PRKAR2A: variants seen among roughly 807,000 people sequenced by gnomAD.
The protein encoded by PRKAR2A is protein kinase cAMP-dependent type II regulatory subunit alpha, also known as cAMP-dependent protein kinase type II-alpha regulatory subunit.
A neutral mutation model predicts 51.9 loss-of-function variants in PRKAR2A; 29 were observed. That is an observed-to-expected ratio of 0.56 (90% CI 0.42 to 0.76). The LOEUF (loss-of-function observed/expected upper bound fraction) is 0.76. Ranked by LOEUF, PRKAR2A falls within the 30% of genes least tolerant of loss-of-function variation. PRKAR2A has a pLI of 0.00. For synonymous variants in PRKAR2A, 178 were observed against 186.2 expected, an observed-to-expected ratio of 0.96 and a Z score of 0.36; for missense variants, 445 against 512.1, an observed-to-expected ratio of 0.87 and a Z score of 1.26.
At chr3:48,781,688 T>C (rs2082199256) in intron 5 of PRKAR2A, among the ~76,000 whole-genome samples, 1 of 152,046 alleles carries the variant, frequency 6.6e-6, no homozygotes, top group Non-Finnish European at 1.5e-5. Context: ...AATTTTTGTA[T>C]TTTTAGTAGA....
In PRKAR2A at chr3:48,817,505, T is replaced by G. The variant is rs1042726993; in HGVS notation, c.263-9821A>C. Among the ~76,000 whole-genome samples the G allele has an allele frequency of 4.3e-4, 65 of 149,902 alleles. 1 individual carries two copies. Among genetic ancestry groups the G allele is most frequent in the Middle Eastern group, 7.1e-3 (2 of 280 alleles). On this transcript the variant is annotated intron_variant, in intron 1 of 10. Coordinates refer to ENST00000265563, the MANE Select transcript of PRKAR2A (RefSeq NM_004157.4). ...CATTTCTACTAAAAATACAAAAAAT[T>G]AGCCAGGCATTTTGGCGGGCGCCTG...
chr3:48,824,581 G>C (rs2083027984), intron 1 of PRKAR2A, among the ~76,000 whole-genome samples: 1 of 146,116 alleles, frequency 6.8e-6, no homozygotes, highest in Non-Finnish European at 1.5e-5. Flanking sequence ...AAGAAAGAAA[G>C]AAAGAAAGAA....
chr3:48,846,881 T>C (rs899347393), intron 1 of PRKAR2A, among the ~76,000 whole-genome samples: 5 of 152,206 alleles, frequency 3.3e-5, no homozygotes, highest in Admixed American at 3.3e-4. Flanking sequence ...CATATAGGGA[T>C]TCATCTCACC....
chr3:48,812,873 T>C (rs2082799306), intron 1 of PRKAR2A, among the ~76,000 whole-genome samples: 1 of 152,222 alleles, frequency 6.6e-6, no homozygotes, highest in South Asian at 2.1e-4. Flanking sequence ...TTTTTTAAAC[T>C]CTGAGAACTT....
intron 1 of PRKAR2A, among the ~76,000 whole-genome samples, chr3:48,816,897 G>A (rs933235853): frequency 6.6e-6 from 1 of 152,036 alleles, no homozygotes; most frequent in Non-Finnish European, 1.5e-5. Context: ...AACCAATTAA[G>A]GAGACTGGGT....
In PRKAR2A at chr3:48,847,229, C is replaced by G; in HGVS notation, c.262+106G>C. ...AACGCGGCTACAGAGCTCCCAATCC[C>G]AGCCTGCGGTCGGCTTGGCTGCGGC... On this transcript the variant is annotated intron_variant, in intron 1 of 10. Coordinates refer to ENST00000265563, the MANE Select transcript of PRKAR2A (RefSeq NM_004157.4). The surrounding 1 kb of genome is among the most constrained non-coding windows in gnomAD (Gnocchi z 4.4). 1 of 1,401,292 alleles carries G rather than the reference C, an allele frequency of 7.1e-7. No homozygotes were observed. The highest frequency in any genetic ancestry group is 9.6e-7 in the Non-Finnish European group (1 of 1,039,144). 86.8% of individuals were successfully genotyped at this position (1,401,292 alleles called of 1,614,324 possible).
chr3:48,751,331 TA>T lies in PRKAR2A; in HGVS notation c.*253del. On this transcript the variant is annotated 3_prime_UTR_variant, in exon 11 of 11. Coordinates refer to ENST00000265563, the MANE Select transcript of PRKAR2A (RefSeq NM_004157.4). ...GACATGCCGTTTTGAACCAAAGATA[TA>T]AAAACTGGGTTGGAGTAATCTTTAC... 1 of 635,012 alleles carries T rather than the reference TA, an allele frequency of 1.6e-6. No homozygotes were observed. 39.3% of individuals were successfully genotyped at this position (635,012 alleles called of 1,614,324 possible). A position where few individuals can be genotyped will look rare whatever the true frequency, so the allele number is the denominator to read the frequency against.
chr3:48,793,218 G>A lies in PRKAR2A; in HGVS notation c.351+779C>T, dbSNP rs962485804. Among the ~76,000 whole-genome samples, 6 of 151,812 alleles carry A rather than the reference G, an allele frequency of 4.0e-5. No individual in the cohort carries two copies. The South Asian group carries it at 6.2e-4, about 16-fold the overall frequency. Reference sequence around the variant, plus strand: ...ACTGTCCTGTACCATCACTTTCAATGGCTACAGATTCTCTTCATTTGAATG... The same window carrying A: ...ACTGTCCTGTACCATCACTTTCAATAGCTACAGATTCTCTTCATTTGAATG... On this transcript the variant is annotated intron_variant, in intron 3 of 10. Coordinates refer to ENST00000265563, the MANE Select transcript of PRKAR2A (RefSeq NM_004157.4).
At position 48,752,222 on chromosome 3, in the gene PRKAR2A, T is replaced by C. The variant is rs1234060932; in HGVS notation, c.1035A>G (p.Lys345=). ...YFGELALVTN[K]PRAASAYAVG... ...CTGCATAAGCTGAGGCAGCTCTGGG[T>C]TTGTTGGTGACCAGGGCAAGCTCTC... The change falls in exon 10 of 11, where the codon AAA becomes AAG. Residue 345 remains lysine (K), a synonymous_variant. Transcript: ENST00000265563. 6.2e-7 allele frequency: 1 copy of C among 1,614,238 alleles called. No homozygotes were observed. The highest frequency in any genetic ancestry group is 8.5e-7 in the Non-Finnish European group (1 of 1,180,034).
intron 2 of PRKAR2A, among the ~76,000 whole-genome samples, chr3:48,804,905 TAA>T (rs774938268): frequency 7.4e-4 from 113 of 152,138 alleles, no homozygotes; most frequent in African/African-American, 2.6e-3. Flanking sequence ...ATAATAATGT[TAA>T]GTTTAATTTT....
chr3:48,756,648 T>C (rs2081772576), intron 8 of PRKAR2A, among the ~76,000 whole-genome samples: 1 of 152,004 alleles, frequency 6.6e-6, no homozygotes, highest in South Asian at 2.1e-4. Flanking sequence ...AAGGTGAGAT[T>C]TGAGCAAATA....
At chr3:48,755,920 A>G (rs1188337602) in intron 9 of PRKAR2A, among the ~76,000 whole-genome samples, 3 of 151,716 alleles carry the variant, frequency 2.0e-5, no homozygotes, top group Admixed American at 1.3e-4. Context: ...CTGGGACTAC[A>G]GGCGCCCGCC....
chr3:48,812,752 G>A (rs2082796705), intron 1 of PRKAR2A, among the ~76,000 whole-genome samples: 1 of 152,138 alleles, frequency 6.6e-6, no homozygotes, highest in African/African-American at 2.4e-5. Flanking sequence ...AAAGTGCTGG[G>A]ATTACAAGGC....
intron 1 of PRKAR2A, among the ~76,000 whole-genome samples, chr3:48,833,380 C>T (rs1041744444): frequency 1.3e-5 from 2 of 152,102 alleles, no homozygotes; most frequent in African/African-American, 4.8e-5. Flanking sequence ...GAAGCGTCAC[C>T]ATATAAACAG....
Position 48,751,519 on chromosome 3 carries a change from T to A in PRKAR2A, c.*66A>T. The A allele has an allele frequency of 1.3e-6, 2 of 1,596,994 alleles. No individual in the cohort carries two copies. Among genetic ancestry groups the A allele is most frequent in the Non-Finnish European group, 1.7e-6 (2 of 1,168,056 alleles). ...ACAGTTCTGTCATGTCTGTTTTCTGTATGTGTTCTGTGGCTGACCAGAAGG... is the reference window on the plus strand; with the variant it reads ...ACAGTTCTGTCATGTCTGTTTTCTGAATGTGTTCTGTGGCTGACCAGAAGG... On this transcript the variant is annotated 3_prime_UTR_variant, in exon 11 of 11. Coordinates refer to ENST00000265563, the MANE Select transcript of PRKAR2A (RefSeq NM_004157.4).
chr3:48,778,410 C>T (rs1320263270), intron 5 of PRKAR2A, among the ~76,000 whole-genome samples: 1 of 152,168 alleles, frequency 6.6e-6, no homozygotes, highest in Admixed American at 6.6e-5. Context: ...TAGACTCAAC[C>T]TCTTGGGCTC....
At chr3:48,822,442 C>A (rs749469709) in intron 1 of PRKAR2A, among the ~76,000 whole-genome samples, 1 of 152,088 alleles carries the variant, frequency 6.6e-6, no homozygotes, top group East Asian at 1.9e-4. Flanking sequence ...TAAATTGAAT[C>A]TATATGCTTA....
chr3:48,829,871 A>ATATATATAT (rs1297832658), intron 1 of PRKAR2A, among the ~76,000 whole-genome samples: 163 of 87,712 alleles, frequency 1.9e-3, no homozygotes, highest in Middle Eastern at 9.4e-3. Flanking sequence ...ATATATATAT[A>ATATATATAT]TTTTTTTTTT....
At chr3:48,772,141 T>A (rs1215514772) in intron 6 of PRKAR2A, among the ~76,000 whole-genome samples, 1 of 152,180 alleles carries the variant, frequency 6.6e-6, no homozygotes, top group Non-Finnish European at 1.5e-5. Context: ...CTCTATTATG[T>A]CCATAGTTGT....
Sources: allele counts gnomAD v4.1 joint callset (sites outside exome capture counted in the v4.1 genomes callset), GRCh38; gene constraint gnomAD v4.1.1; non-coding constraint Gnocchi (gnomAD v3.1); transcripts MANE v1.5; gene names NCBI Gene and HGNC (gene_info 2026-07-23, HGNC 2026-07-21).